The following AHI1 variants were observed in gnomAD, a reference collection of about 807,000 sequenced individuals.
AHI1 encodes Abelson helper integration site 1.
A neutral mutation model predicts 149.3 loss-of-function variants in AHI1; 123 were observed. The ratio of observed to expected loss-of-function variants is 0.82; its 90% confidence interval spans 0.71 to 0.96. The LOEUF (loss-of-function observed/expected upper bound fraction) is 0.96. Among genes scored for constraint, AHI1 ranks in the 40% least tolerant of loss-of-function variants. The pLI is 0.00. For synonymous variants in AHI1, 475 were observed against 459.8 expected (o/e 1.03, Z -0.42); for missense variants, 1,439 against 1,422.7 (o/e 1.01, Z -0.18).
intron 23 of AHI1, among the ~76,000 whole-genome samples, chr6:135,359,761 C>G (rs1223705794): frequency 6.6e-6 from 1 of 152,004 alleles, no homozygotes; most frequent in Non-Finnish European, 1.5e-5. Context: ...TAAAATTGAC[C>G]TAGGCTGATT....
At position 135,394,812 on chromosome 6, in the gene AHI1, G is replaced by C. The variant is rs868723363; in HGVS notation, c.3073C>G (p.Gln1025Glu). 6.2e-7 allele frequency: 1 copy of C among 1,609,648 alleles called. No individual in the cohort carries two copies. Residue 1025 changes from glutamine (Q) to glutamate (E), a missense_variant, in exon 23 of 29, where the codon CAA becomes GAA. Gln to Glu is a conservative substitution (Grantham distance 29). Coordinates refer to ENST00000265602, the MANE Select transcript of AHI1 (RefSeq NM_001134831.2). Reference protein sequence around the residue: ...KLKQSNMLTAQEILHQFGFTQ... With the variant: ...KLKQSNMLTAEEILHQFGFTQ... Reference sequence around the variant, plus strand: ...AAACCAAACTGATGTAGAATCTCTTGAGCGGTCAGCATGTTTGACTGCTTT... The same window carrying C: ...AAACCAAACTGATGTAGAATCTCTTCAGCGGTCAGCATGTTTGACTGCTTT...
chr6:135,393,748 A>G (rs1241423239), intron 23 of AHI1, among the ~76,000 whole-genome samples: 1 of 152,128 alleles, frequency 6.6e-6, no homozygotes, highest in Admixed American at 6.6e-5. Context: ...AATATGTTAT[A>G]TTCACATAGC....
At chr6:135,378,529 A>T (rs1009087515) in intron 23 of AHI1, among the ~76,000 whole-genome samples, 1 of 152,204 alleles carries the variant, frequency 6.6e-6, no homozygotes, top group Admixed American at 6.5e-5. Flanking sequence ...GGCTAGCAGG[A>T]TGTGTTCCTA....
At chr6:135,346,319 C>G (rs1391831005) in intron 24 of AHI1, among the ~76,000 whole-genome samples, 1 of 152,122 alleles carries the variant, frequency 6.6e-6, no homozygotes, top group African/African-American at 2.4e-5. Flanking sequence ...CTCACCCTCC[C>G]GAGTAGCTGG....
intron 6 of AHI1, 37 bp downstream of exon 6, chr6:135,467,544 T>C: frequency 6.5e-7 from 1 of 1,546,192 alleles, no homozygotes; most frequent in Non-Finnish European, 8.9e-7. Context: ...GTGACTCTCA[T>C]GCTCTTCTTC....
intron 24 of AHI1, among the ~76,000 whole-genome samples, chr6:135,344,977 A>G (rs2128417269): frequency 6.6e-6 from 1 of 150,492 alleles, no homozygotes; most frequent in East Asian, 1.9e-4. Context: ...AAAATCTAGT[A>G]TACATAATTA....
chr6:135,405,816 C>T lies in AHI1; in HGVS notation c.2962-839G>A, dbSNP rs531485916. 4.1e-5 allele frequency among the ~76,000 whole-genome samples: 6 copies of T among 145,706 alleles called. No homozygotes were observed. The East Asian group carries it at 6.0e-4, about 15-fold the overall frequency. On this transcript the variant is annotated intron_variant, in intron 21 of 28. Coordinates refer to ENST00000265602, the MANE Select transcript of AHI1 (RefSeq NM_001134831.2). Reference sequence around the variant, plus strand: ...TGGAGGTTGTAGTGAGCCAAGATTGCGCCACTGCACTCCAGCCTGGGCGAC... The same window carrying T: ...TGGAGGTTGTAGTGAGCCAAGATTGTGCCACTGCACTCCAGCCTGGGCGAC...
intron 8 of AHI1, among the ~76,000 whole-genome samples, chr6:135,461,741 A>C (rs1326882394): frequency 6.6e-6 from 1 of 152,034 alleles, no homozygotes; most frequent in Non-Finnish European, 1.5e-5. Flanking sequence ...ATAATACAAA[A>C]ACAGAATTAA....
At chr6:135,475,420 T>C (rs1792442383) in intron 5 of AHI1, among the ~76,000 whole-genome samples, 1 of 152,232 alleles carries the variant, frequency 6.6e-6, no homozygotes, top group African/African-American at 2.4e-5. Context: ...TTGTGCTTGA[T>C]AAGAGTGTTT....
At chr6:135,442,390 C>T (rs546651325) in intron 14 of AHI1, among the ~76,000 whole-genome samples, 192 bp downstream of exon 14, 3 of 152,056 alleles carry the variant, frequency 2.0e-5, no homozygotes, top group Non-Finnish European at 4.4e-5. Flanking sequence ...TCTCATTCTA[C>T]TTACGAACAG....
chr6:135,465,896 T>A lies in AHI1; in HGVS notation c.667A>T (p.Thr223Ser), dbSNP rs757832908. The A allele has an allele frequency of 6.3e-7, 1 of 1,578,934 alleles. No individual in the cohort carries two copies. The change falls in exon 7 of 29, where the codon ACT becomes TCT. Residue 223 changes from threonine to serine, a missense_variant. Coordinates refer to ENST00000265602, the MANE Select transcript of AHI1 (RefSeq NM_001134831.2). The part of the protein sequence containing the change: ...KEQLTYFPSD[T>S]LFHDDKLSSE... ...CTTAGTTTGTCATCATGGAATAAAG[T>A]ATCTGAGGGAAAGTAAGTCAACTGT...
At chr6:135,302,621 A>C in intron 26 of AHI1, 1 of 1,142,998 alleles carries the variant, frequency 8.7e-7, no homozygotes, top group Non-Finnish European at 1.1e-6. Flanking sequence ...CTAAGTTAGA[A>C]GGGGGTCCAC....
chr6:135,404,824 C>T (rs1780526167), intron 22 of AHI1, 127 bp downstream of exon 22: 2 of 788,208 alleles, frequency 2.5e-6, no homozygotes, highest in African/African-American at 3.4e-5. Context: ...AAGCTGAGCT[C>T]CAATAATGAA....
intron 22 of AHI1, among the ~76,000 whole-genome samples, chr6:135,401,228 C>T (rs1370675923): frequency 6.6e-6 from 1 of 152,170 alleles, no homozygotes; most frequent in Admixed American, 6.5e-5. Context: ...CCTTCCCAGT[C>T]ATTCTTTGTC....
rs118175462 is a variant in AHI1, at chr6:135,431,634, A to G, written c.2267-320T>C. Among the ~76,000 whole-genome samples the G allele has an allele frequency of 8.3e-3, 1,265 of 152,310 alleles. 39 individuals are homozygous for G. Among genetic ancestry groups the G allele is most frequent in the East Asian group, 0.081 (418 of 5,188 alleles). On this transcript the variant is annotated intron_variant, in intron 16 of 28. Coordinates refer to ENST00000265602, the MANE Select transcript of AHI1 (RefSeq NM_001134831.2). Reference sequence around the variant, plus strand: ...TTATATTCCAAAGCCAAATAATTTGAACCATCCGACATGTAACATTATTTC... The same window carrying G: ...TTATATTCCAAAGCCAAATAATTTGGACCATCCGACATGTAACATTATTTC...
chr6:135,314,921 A>G (rs1785717740), intron 26 of AHI1, among the ~76,000 whole-genome samples: 1 of 152,238 alleles, frequency 6.6e-6, no homozygotes, highest in Admixed American at 6.5e-5. Flanking sequence ...GCTGCACATT[A>G]AAATTACCTG....
intron 28 of AHI1, among the ~76,000 whole-genome samples, chr6:135,289,278 T>A (rs1167955666): frequency 6.6e-6 from 1 of 151,922 alleles, no homozygotes; most frequent in Non-Finnish European, 1.5e-5. Flanking sequence ...GGTGGATGGC[T>A]TGAGGTCAGG....
At chr6:135,323,012 T>C in intron 25 of AHI1, 150 bp downstream of exon 25, 2 of 845,702 alleles carry the variant, frequency 2.4e-6, no homozygotes, top group Non-Finnish European at 3.3e-6. Context: ...CCTCTTTTTA[T>C]TTTTTTACAT....
At chr6:135,344,003 T>G (rs1366941598) in intron 24 of AHI1, among the ~76,000 whole-genome samples, 1 of 151,980 alleles carries the variant, frequency 6.6e-6, no homozygotes, top group Non-Finnish European at 1.5e-5. Context: ...ACAGTCAACC[T>G]TCGGTACCCT....
Sources: allele counts gnomAD v4.1 joint callset (sites outside exome capture counted in the v4.1 genomes callset), GRCh38; gene constraint gnomAD v4.1.1; transcripts MANE v1.5; gene names NCBI Gene and HGNC (gene_info 2026-07-23, HGNC 2026-07-21).